IL34: variants seen among roughly 807,000 people sequenced by gnomAD.
IL34 encodes interleukin 34, also known as interleukin-34.
A neutral mutation model predicts 25.3 loss-of-function variants in IL34; 17 were observed. The ratio of observed to expected loss-of-function variants is 0.67; its 90% CI spans 0.46 to 1.01. IL34 has a LOEUF of 1.01. IL34 is among the 50% of genes least tolerant of loss of function. The pLI, the probability that IL34 is intolerant of heterozygous loss-of-function variation, is 0.00. For synonymous variants in IL34, 174 were observed against 140.9 expected (o/e 1.23, Z -1.66); for missense variants, 368 against 312.9 (o/e 1.18, Z -1.33).
At chr16:70,656,558 C>G (rs751250435) in intron 2 of IL34, 44 bp from the exon 3 acceptor site, 1 of 899,722 alleles carries the variant, frequency 1.1e-6, no homozygotes, top group African/African-American at 1.6e-5. Flanking sequence ...GCCTGCTGGT[C>G]ATTTCTACTT....
chr16:70,636,927 T>G (rs2051666074), intron 1 of IL34, among the ~76,000 whole-genome samples: 1 of 152,134 alleles, frequency 6.6e-6, no homozygotes, highest in Admixed American at 6.5e-5. Flanking sequence ...TCGCCCAGGT[T>G]GGAGTACAGT....
chr16:70,652,811 A>C (rs1218452695), intron 1 of IL34, among the ~76,000 whole-genome samples: 1 of 152,230 alleles, frequency 6.6e-6, no homozygotes, highest in East Asian at 1.9e-4. Context: ...TGCGGATACT[A>C]CTAAATCGAT....
chr16:70,638,457 GAAAAA>G (rs1457055999), intron 1 of IL34, among the ~76,000 whole-genome samples: 1 of 151,698 alleles, frequency 6.6e-6, no homozygotes, highest in African/African-American at 2.4e-5. Context: ...AAAGAAAAAA[GAAAAA>G]AAGAAAAGAA....
At chr16:70,648,291 C>T (rs539148813) in intron 1 of IL34, among the ~76,000 whole-genome samples, 16 of 152,242 alleles carry the variant, frequency 1.1e-4, no homozygotes, top group Middle Eastern at 3.4e-3. Flanking sequence ...GCTGGTGGCT[C>T]ACGCCCGTGA....
chr16:70,599,168 G>A (rs1567439232), intron 1 of IL34, among the ~76,000 whole-genome samples: 1 of 152,208 alleles, frequency 6.6e-6, no homozygotes, highest in East Asian at 1.9e-4. Context: ...TTGTCAGAGA[G>A]CCAAGGGGCT....
At chr16:70,638,285 T>C (rs2051701941) in intron 1 of IL34, among the ~76,000 whole-genome samples, 1 of 152,228 alleles carries the variant, frequency 6.6e-6, no homozygotes, top group East Asian at 1.9e-4. Context: ...AAGACCAGCC[T>C]GGGCAACTTA....
At chr16:70,632,612 T>C (rs1243106912) in intron 1 of IL34, among the ~76,000 whole-genome samples, 1 of 152,114 alleles carries the variant, frequency 6.6e-6, no homozygotes, top group Non-Finnish European at 1.5e-5. Flanking sequence ...CAATGGAGCA[T>C]CTGCAAAGTG....
At chr16:70,628,567 A>G (rs1057061402) in intron 1 of IL34, among the ~76,000 whole-genome samples, 43 of 151,190 alleles carry the variant, frequency 2.8e-4, no homozygotes, top group African/African-American at 9.2e-4. Flanking sequence ...GCTCACTGCA[A>G]TCTCCGGCTC....
intron 1 of IL34, among the ~76,000 whole-genome samples, chr16:70,634,386 A>G (rs2051591535): frequency 6.6e-6 from 1 of 152,184 alleles, no homozygotes; most frequent in Non-Finnish European, 1.5e-5. Context: ...AAGAAGAGAT[A>G]GAACATTTCC....
At chr16:70,654,347 C>T in intron 1 of IL34, 191 bp from the exon 2 acceptor site, 2 of 655,132 alleles carry the variant, frequency 3.1e-6, no homozygotes. Flanking sequence ...CTGCTAGTGC[C>T]TGCCTGACCT....
At chr16:70,585,873 A>G (rs1264026654) in intron 1 of IL34, among the ~76,000 whole-genome samples, 17 of 136,014 alleles carry the variant, frequency 1.2e-4, no homozygotes, top group African/African-American at 4.5e-4. Context: ...TCACTCTGTC[A>G]CCCAGGCTGG....
At chr16:70,606,142 A>C (rs1425907400) in intron 1 of IL34, among the ~76,000 whole-genome samples, 2 of 151,954 alleles carry the variant, frequency 1.3e-5, no homozygotes, top group African/African-American at 4.8e-5. Context: ...CACGCCTGTA[A>C]TCCTAGCACG....
chr16:70,637,587 GC>G (rs79022392), intron 1 of IL34, among the ~76,000 whole-genome samples: 45,421 of 151,736 alleles, frequency 0.3, 7,073 homozygotes, highest in South Asian at 0.47. Context: ...CAGATGATCT[GC>G]CCCCCCTCGA....
At chr16:70,636,905 G>A (rs2051664797) in intron 1 of IL34, among the ~76,000 whole-genome samples, 1 of 151,132 alleles carries the variant, frequency 6.6e-6, no homozygotes, top group Admixed American at 6.6e-5. Context: ...TTTGAGACGG[G>A]GTTTCGTTCT....
intron 1 of IL34, among the ~76,000 whole-genome samples, chr16:70,629,765 A>C (rs1041575211): frequency 6.6e-6 from 1 of 151,990 alleles, no homozygotes; most frequent in Non-Finnish European, 1.5e-5. Context: ...TATGGGGTAC[A>C]TGAGATATTT....
chr16:70,586,882 C>T (rs1292025259), intron 1 of IL34, among the ~76,000 whole-genome samples: 4 of 152,224 alleles, frequency 2.6e-5, no homozygotes, highest in Non-Finnish European at 5.9e-5. Flanking sequence ...TGGGCTGTGC[C>T]CTGATTCACC....
intron 1 of IL34, among the ~76,000 whole-genome samples, chr16:70,625,147 G>C (rs1185328686): frequency 6.6e-6 from 1 of 152,122 alleles, no homozygotes; most frequent in African/African-American, 2.4e-5. Flanking sequence ...AGAAAATAAG[G>C]CGTTTAGGTT....
At chr16:70,608,202 C>A (rs2051040273) in intron 1 of IL34, among the ~76,000 whole-genome samples, 1 of 146,718 alleles carries the variant, frequency 6.8e-6, no homozygotes, top group Non-Finnish European at 1.5e-5. Context: ...GCTCTCGGCT[C>A]ACTGCAACCT....
At chr16:70,587,134 C>T (rs541421400) in intron 1 of IL34, among the ~76,000 whole-genome samples, 1 of 152,256 alleles carries the variant, frequency 6.6e-6, no homozygotes, top group South Asian at 2.1e-4. Context: ...GGAGTCACTG[C>T]CTCCTCCCTA....
Sources: gnomAD v4.1 joint callset for allele counts (sites outside exome capture counted in the v4.1 genomes callset) on GRCh38, gnomAD v4.1.1 for gene constraint, MANE v1.5 for transcripts, NCBI Gene and HGNC (gene_info 2026-07-23, HGNC 2026-07-21) for gene names.